The following STK10 variants were observed in gnomAD, a reference collection of about 807,000 sequenced individuals.
STK10 encodes the protein serine/threonine-protein kinase 10.
A neutral mutation model predicts 113.8 loss-of-function variants in STK10; 78 were observed. That is an observed-to-expected ratio of 0.69 (90% CI 0.57 to 0.83). The LOEUF (loss-of-function observed/expected upper bound fraction) is 0.83. Ranked by LOEUF, STK10 falls within the 40% of genes least tolerant of loss-of-function variation. The pLI is 0.00. For missense variants in STK10, 1,109 were observed against 1,280.1 expected (o/e 0.87, Z 2.04); for synonymous variants, 465 against 494.7 (o/e 0.94, Z 0.80).
chr5:172,092,018 G>A (rs1250725596), intron 9 of STK10, among the ~76,000 whole-genome samples: 1 of 152,200 alleles, frequency 6.6e-6, no homozygotes, highest in African/African-American at 2.4e-5. Flanking sequence ...CCTGTCTCCT[G>A]CCCATGGCAC....
chr5:172,150,394 T>C (rs932070544), intron 2 of STK10, among the ~76,000 whole-genome samples: 1 of 150,182 alleles, frequency 6.7e-6, no homozygotes, highest in African/African-American at 2.5e-5. Flanking sequence ...GGCAGGAGAA[T>C]CGCTTGAACC....
rs536420944 is a variant in STK10 at position 172,049,251 on chromosome 5, A to G, written c.2766+3678T>C. Reference sequence around the variant, plus strand: ...AAATATGTGTTGCATTAATACACAAACGAATGAACCATCAAGCTAACGATG... The same window carrying G: ...AAATATGTGTTGCATTAATACACAAGCGAATGAACCATCAAGCTAACGATG... On this transcript the variant is annotated intron_variant, in intron 18 of 18. Transcript: ENST00000176763. Among the ~76,000 whole-genome samples the G allele has an allele frequency of 2.6e-5, 4 of 152,302 alleles. No homozygotes were observed. In the South Asian group the frequency reaches 8.3e-4, roughly 32 times the overall value.
At chr5:172,064,869 G>C (rs889700155) in intron 12 of STK10, 57 bp from the exon 13 acceptor site, 1 of 1,583,624 alleles carries the variant, frequency 6.3e-7, no homozygotes, top group Non-Finnish European at 8.7e-7. Flanking sequence ...GCTTCCTACA[G>C]TATAATCTTC....
intron 13 of STK10, 38 bp from the exon 14 acceptor site, chr5:172,061,306 C>T (rs757871702): frequency 1.1e-5 from 17 of 1,576,952 alleles, no homozygotes; most frequent in South Asian, 2.3e-5. Context: ...TATCCAGAGC[C>T]GGCTTGGGCA....
intron 7 of STK10, among the ~76,000 whole-genome samples, chr5:172,103,261 C>G (rs916477050): frequency 2.6e-5 from 4 of 152,244 alleles, no homozygotes; most frequent in Admixed American, 6.5e-5. Context: ...CCCACCCTCT[C>G]TCACTGGAGA....
At chr5:172,048,137 C>T (rs1767535665) in intron 18 of STK10, among the ~76,000 whole-genome samples, 1 of 152,148 alleles carries the variant, frequency 6.6e-6, no homozygotes, top group African/African-American at 2.4e-5. Context: ...TGGTCAAACA[C>T]CAGCTAGATG....
intron 3 of STK10, among the ~76,000 whole-genome samples, chr5:172,126,817 G>A (rs1769631389): frequency 6.6e-6 from 1 of 152,116 alleles, no homozygotes; most frequent in Non-Finnish European, 1.5e-5. Flanking sequence ...CCTTCCTCGG[G>A]TATCTCGGTT....
At chr5:172,174,625 G>A (rs72845171) in intron 1 of STK10, among the ~76,000 whole-genome samples, 30,575 of 152,150 alleles carry the variant, frequency 0.2, 3,173 homozygotes, top group Middle Eastern at 0.24. Flanking sequence ...ATCCCAGTTT[G>A]TAACAACAGC....
rs1191335507 is a variant in STK10, at chr5:172,054,606, T to C, written c.2615A>G (p.Gln872Arg). ...CAGCTCGCTCATGTTGCTCTCACACTGCGCCAGCATGTCCCGCATCTGGTT... is the reference window on the plus strand; with the variant it reads ...CAGCTCGCTCATGTTGCTCTCACACCGCGCCAGCATGTCCCGCATCTGGTT... ...HENQMRDMLAQCESNMSELQQ... is the reference protein window; with the variant it reads ...HENQMRDMLARCESNMSELQQ... Residue 872 changes from glutamine to arginine, a missense_variant, in exon 17 of 19, where the codon CAG becomes CGG. Physicochemically the swap from Gln to Arg is conservative, Grantham distance 43. Transcript: ENST00000176763. 17 of 1,609,848 alleles carry C rather than the reference T, an allele frequency of 1.1e-5. No individual in the cohort carries two copies. Among genetic ancestry groups the C allele is most frequent in the Non-Finnish European group, 1.4e-5 (17 of 1,179,820 alleles).
intron 3 of STK10, among the ~76,000 whole-genome samples, chr5:172,118,877 T>TGAAAAAAAAAA (rs1769443058): frequency 1.7e-5 from 1 of 59,750 alleles, no homozygotes; most frequent in Non-Finnish European, 3.1e-5. Context: ...AGACTCAGTC[T>TGAAAAAAAAAA]CAAAAAAAAA....
In STK10 at chr5:172,093,908, T is replaced by C. The variant is rs1363024896; in HGVS notation, c.1058A>G (p.Asn353Ser). ...TGACTCCTCGAGAGGCTTGTCAGCA[T>C]TGAGGCTTGGCGGACTCACCTCAGA... The part of the protein sequence containing the change: ...NSSEVSPPSL[N>S]ADKPLEESPS... The change falls in exon 9 of 19, where the codon AAT (asparagine) becomes AGT (serine). Residue 353 changes from asparagine (N) to serine (S), a missense_variant. By Grantham distance (46) the Asn-to-Ser change is conservative. Coordinates refer to ENST00000176763, the MANE Select transcript of STK10 (RefSeq NM_005990.4). The surrounding 1 kb of genome is among the most constrained non-coding windows in gnomAD (Gnocchi z 4.1). 9 of 1,536,514 alleles carry C rather than the reference T, an allele frequency of 5.9e-6. No homozygotes were observed. The Admixed American group carries it at 6.1e-5, about 10-fold the overall frequency.
chr5:172,050,436 A>G (rs1767603083), intron 18 of STK10, among the ~76,000 whole-genome samples: 1 of 152,202 alleles, frequency 6.6e-6, no homozygotes, highest in South Asian at 2.1e-4. Flanking sequence ...CATGTGTTAT[A>G]GTTCCAGCTA....
chr5:172,106,956 ACT>A, intron 5 of STK10, 142 bp from the exon 6 acceptor site: 1 of 778,980 alleles, frequency 1.3e-6, no homozygotes, highest in Middle Eastern at 3.6e-4. Flanking sequence ...TTTGCATCCC[ACT>A]GTCTTCCTTA....
Position 172,044,704 on chromosome 5 carries a change from A to G in STK10, c.*178T>C, listed in dbSNP as rs998004144. ...ACCTCACCCTCCACAGGCCAGCAAG[A>G]AGTCAGGAACGCTGGGGCAGGTCTA... On this transcript the variant is annotated 3_prime_UTR_variant, in exon 19 of 19. Coordinates refer to ENST00000176763, the MANE Select transcript of STK10 (RefSeq NM_005990.4). The surrounding 1 kb of genome is among the most constrained non-coding windows in gnomAD (Gnocchi z 4.5). 1 of 945,384 alleles carries G rather than the reference A, an allele frequency of 1.1e-6. No homozygotes were observed. Among genetic ancestry groups the G allele is most frequent in the African/African-American group, 1.6e-5 (1 of 61,144 alleles). The allele number at this position is 945,384 out of a possible 1,614,324, so 58.6% of individuals were successfully genotyped here.
intron 4 of STK10, among the ~76,000 whole-genome samples, chr5:172,110,461 G>A (rs1769215480): frequency 6.6e-6 from 1 of 152,220 alleles, no homozygotes; most frequent in African/African-American, 2.4e-5. Context: ...CGGAATGCCT[G>A]GCAGCGAGAA....
At chr5:172,158,512 A>C (rs866051207) in intron 1 of STK10, among the ~76,000 whole-genome samples, 1 of 152,142 alleles carries the variant, frequency 6.6e-6, no homozygotes, top group South Asian at 2.1e-4. Context: ...CTGTAATCCC[A>C]GCTACTCAGG....
intron 4 of STK10, among the ~76,000 whole-genome samples, chr5:172,115,598 G>A (rs919004618): frequency 2.6e-5 from 4 of 152,176 alleles, no homozygotes; most frequent in Admixed American, 1.3e-4. Context: ...TAGGAAGTGG[G>A]TTTTTATCAT....
intron 2 of STK10, among the ~76,000 whole-genome samples, chr5:172,155,643 C>A (rs1256704906): frequency 6.6e-6 from 1 of 151,020 alleles, no homozygotes; most frequent in Non-Finnish European, 1.5e-5. Flanking sequence ...CCTAAATGCC[C>A]AACAGTAGAG....
rs140614963 is a variant in STK10, at chr5:172,148,410, G to A, written c.321+8214C>T. Reference sequence around the variant, plus strand: ...ACCTGACAGGAAGGGCTACATGGACGTGCTTGGTGACATGGTGGGCGAATC... The same window carrying A: ...ACCTGACAGGAAGGGCTACATGGACATGCTTGGTGACATGGTGGGCGAATC... On this transcript the variant is annotated intron_variant, in intron 2 of 18. Transcript: ENST00000176763. 3.2e-3 allele frequency among the ~76,000 whole-genome samples: 481 copies of A among 152,292 alleles called. 3 individuals are homozygous for A. The highest frequency in any genetic ancestry group is 0.011 in the African/African-American group (437 of 41,570).
Sources: allele counts gnomAD v4.1 joint callset (sites outside exome capture counted in the v4.1 genomes callset), GRCh38; gene constraint gnomAD v4.1.1; non-coding constraint Gnocchi (gnomAD v3.1); transcripts MANE v1.5; gene names NCBI Gene and HGNC (gene_info 2026-07-23, HGNC 2026-07-21).